Variants in UVRAG observed in about 807,000 individuals in gnomAD.
UVRAG encodes UV radiation resistance associated, also known as UV radiation resistance-associated gene protein.
In UVRAG, 19 loss-of-function variants were observed where a neutral mutation model predicts 78.0. The ratio of observed to expected loss-of-function variants is 0.24; its 90% confidence interval spans 0.17 to 0.36. The LOEUF (loss-of-function observed/expected upper bound fraction) is 0.36. Among genes scored for constraint, UVRAG ranks in the 10% least tolerant of loss-of-function variants. The pLI is 1.00. For missense variants in UVRAG, 740 were observed against 853.8 expected (o/e 0.87, Z 1.66); for synonymous variants, 323 against 324.6 (o/e 1.00, Z 0.05).
At chr11:75,985,154 C>CTT (rs796594987) in intron 8 of UVRAG, among the ~76,000 whole-genome samples, 1,493 of 128,578 alleles carry the variant, frequency 0.012, 20 homozygotes, top group African/African-American at 0.04. Context: ...AATTTCTTTT[C>CTT]TTTTTTTTTT....
chr11:76,020,232 G>A (rs147880370), intron 12 of UVRAG, among the ~76,000 whole-genome samples: 175 of 152,218 alleles, frequency 1.1e-3, no homozygotes, highest in Non-Finnish European at 2.0e-3. Flanking sequence ...TCAGGGCAGA[G>A]GGTTCCCCTC....
chr11:75,847,950 A>G (rs1197778248), intron 1 of UVRAG, among the ~76,000 whole-genome samples: 2 of 150,310 alleles, frequency 1.3e-5, no homozygotes, highest in East Asian at 1.9e-4. Context: ...CAGCCTGGCA[A>G]CAGAGTGAGA....
rs150085804 is a variant in UVRAG, at chr11:75,859,453, A to G, written c.236-2293A>G. 2.8e-3 allele frequency among the ~76,000 whole-genome samples: 429 copies of G among 152,120 alleles called. 2 individuals carry two copies. Among genetic ancestry groups the G allele is most frequent in the African/African-American group, 1.0e-2 (415 of 41,550 alleles). ...AAAAACTAAACAATTTTATTAATAA[A>G]ATTTTATTAATTTTGTTTTAAATAA... On this transcript the variant is annotated intron_variant, in intron 2 of 14. Transcript: ENST00000356136.
chr11:76,109,721 C>G (rs1952037481), intron 13 of UVRAG, among the ~76,000 whole-genome samples: 1 of 152,186 alleles, frequency 6.6e-6, no homozygotes, highest in Non-Finnish European at 1.5e-5. Flanking sequence ...TTCTTTCTCC[C>G]CTTTCCCTAT....
chr11:75,911,598 C>A, intron 5 of UVRAG: 1 of 184,938 alleles, frequency 5.4e-6, no homozygotes, highest in Non-Finnish European at 1.1e-5. Flanking sequence ...GGCGACATGT[C>A]CAAATCTGCT....
At chr11:75,877,512 A>ACC (rs529218162) in intron 3 of UVRAG, among the ~76,000 whole-genome samples, 6 of 90,468 alleles carry the variant, frequency 6.6e-5, no homozygotes, top group Non-Finnish European at 1.3e-4. Flanking sequence ...GCGGGGGGTG[A>ACC]CCCCCCCCAC....
Position 75,879,900 on chromosome 11 carries a change from G to T in UVRAG, c.292G>T (p.Asp98Tyr). 6.2e-7 allele frequency: 1 copy of T among 1,613,944 alleles called. No individual in the cohort carries two copies. Among genetic ancestry groups the T allele is most frequent in the South Asian group, 1.1e-5 (1 of 91,062 alleles). Residue 98 changes from aspartate (D) to tyrosine (Y), a missense_variant, in exon 4 of 15, where the codon GAT (aspartate) becomes TAT (tyrosine). By Grantham distance (160) the Asp-to-Tyr change is radical. Coordinates refer to ENST00000356136, the MANE Select transcript of UVRAG (RefSeq NM_003369.4). The stretch of plus-strand genomic sequence containing the variant: ...GCAGAATCCCACGTGGCGAAGTCTC[G>T]ATTTTGGAATTATGCCAGACCGTCT... The part of the protein sequence containing the change: ...NSLNPTWRSL[D>Y]FGIMPDRLDT...
At chr11:75,955,205 A>T (rs981356275) in intron 6 of UVRAG, among the ~76,000 whole-genome samples, 2 of 152,110 alleles carry the variant, frequency 1.3e-5, no homozygotes, top group Non-Finnish European at 2.9e-5. Flanking sequence ...AAACACACAA[A>T]CACACCCAGA....
chr11:76,030,375 A>G lies in UVRAG; in HGVS notation c.1226+13395A>G, dbSNP rs566429327. On this transcript the variant is annotated intron_variant, in intron 12 of 14. Transcript: ENST00000356136. The stretch of plus-strand genomic sequence containing the variant: ...GCAGTGGTTTGGGACCAAACCCACA[A>G]TATATCCAGTGTATGTCTGTACTTC... Among the ~76,000 whole-genome samples, 6 of 152,272 alleles carry G rather than the reference A, an allele frequency of 3.9e-5. No individual in the cohort carries two copies. In the South Asian group the frequency reaches 1.0e-3, roughly 26 times the overall value.
intron 14 of UVRAG, among the ~76,000 whole-genome samples, chr11:76,120,187 T>C (rs1952249873): frequency 6.6e-6 from 1 of 152,224 alleles, no homozygotes; most frequent in Non-Finnish European, 1.5e-5. Flanking sequence ...TGCAAATTCA[T>C]TTTAAGAATG....
chr11:75,998,847 C>T (rs1949755505), intron 8 of UVRAG, among the ~76,000 whole-genome samples: 2 of 152,186 alleles, frequency 1.3e-5, no homozygotes, highest in Admixed American at 1.3e-4. Context: ...AGATTGAGGA[C>T]AGGTTAGGAA....
chr11:76,006,660 C>CA (rs762221601), intron 9 of UVRAG, among the ~76,000 whole-genome samples: 50,907 of 62,352 alleles, frequency 0.82, 22,695 homozygotes, highest in East Asian at 0.94. Flanking sequence ...GACCCCGTCT[C>CA]AAAAAAAAAA....
At chr11:76,115,228 C>T (rs1306614149) in intron 13 of UVRAG, among the ~76,000 whole-genome samples, 1 of 152,162 alleles carries the variant, frequency 6.6e-6, no homozygotes, top group Non-Finnish European at 1.5e-5. Flanking sequence ...AGAAAATTGG[C>T]CTCTACCAGA....
chr11:76,139,623 A>G (rs937075214), intron 14 of UVRAG, among the ~76,000 whole-genome samples: 14 of 152,192 alleles, frequency 9.2e-5, no homozygotes, highest in Non-Finnish European at 1.8e-4. Flanking sequence ...CAATCTGTTC[A>G]TATGGTTGTA....
At chr11:76,122,332 T>G (rs943751873) in intron 14 of UVRAG, among the ~76,000 whole-genome samples, 3 of 152,086 alleles carry the variant, frequency 2.0e-5, no homozygotes, top group African/African-American at 7.2e-5. Context: ...TAAGAAACAG[T>G]GGCCCAGTTA....
intron 14 of UVRAG, among the ~76,000 whole-genome samples, chr11:76,116,916 G>T (rs972262698): frequency 6.6e-6 from 1 of 152,186 alleles, no homozygotes; most frequent in Admixed American, 6.5e-5. Flanking sequence ...GCAAGTTCCA[G>T]ATGTCTGGTC....
At chr11:76,122,075 T>G (rs1591261146) in intron 14 of UVRAG, among the ~76,000 whole-genome samples, 1 of 152,176 alleles carries the variant, frequency 6.6e-6, no homozygotes, top group African/African-American at 2.4e-5. Context: ...CTTGAGCTTG[T>G]GTTCAAGGAG....
At chr11:76,107,616 C>G (rs1038547855) in intron 13 of UVRAG, among the ~76,000 whole-genome samples, 5 of 152,206 alleles carry the variant, frequency 3.3e-5, no homozygotes, top group African/African-American at 1.2e-4. Context: ...GTTGTTCTTG[C>G]AACCAGAGGC....
intron 13 of UVRAG, among the ~76,000 whole-genome samples, chr11:76,114,341 G>A (rs778498174): frequency 5.9e-5 from 9 of 152,072 alleles, no homozygotes; most frequent in Non-Finnish European, 1.2e-4. Flanking sequence ...TTTGAAAAAG[G>A]AAAAAACTAT....
Sources: allele counts gnomAD v4.1 joint callset (sites outside exome capture counted in the v4.1 genomes callset), GRCh38; gene constraint gnomAD v4.1.1; transcripts MANE v1.5; gene names NCBI Gene and HGNC (gene_info 2026-07-23, HGNC 2026-07-21).